RALYL: variants seen among roughly 807,000 people sequenced by gnomAD.
The protein encoded by RALYL is RNA-binding Raly-like protein.
In RALYL, 29 loss-of-function variants were observed where a neutral mutation model predicts 35.1. The observed-to-expected ratio is 0.83, with a 90% CI of 0.61 to 1.13. The LOEUF (loss-of-function observed/expected upper bound fraction) is 1.13. Among genes scored for constraint, RALYL ranks in the 50% most tolerant of loss-of-function variants. The pLI is 0.00. For synonymous variants in RALYL, 120 were observed against 127.6 expected, an observed-to-expected ratio of 0.94 and a Z score of 0.40; for missense variants, 359 against 360.4, an observed-to-expected ratio of 1.00 and a Z score of 0.03.
chr8:84,405,415 C>T (rs2043368861), intron 1 of RALYL, among the ~76,000 whole-genome samples: 1 of 151,976 alleles, frequency 6.6e-6, no homozygotes, highest in Admixed American at 6.6e-5. Context: ...TCAATGAATC[C>T]AGGAGGTGTT....
chr8:84,389,351 T>C (rs1382097614), intron 1 of RALYL, among the ~76,000 whole-genome samples: 1 of 152,056 alleles, frequency 6.6e-6, no homozygotes, highest in Non-Finnish European at 1.5e-5. Flanking sequence ...CACATGAACT[T>C]TAAAGTAGTT....
At chr8:84,822,013 T>C (rs1241337352) in intron 4 of RALYL, among the ~76,000 whole-genome samples, 1 of 152,156 alleles carries the variant, frequency 6.6e-6, no homozygotes, top group Non-Finnish European at 1.5e-5. Context: ...AATAATGTGC[T>C]TGTAGTTTTA....
intron 4 of RALYL, among the ~76,000 whole-genome samples, chr8:84,805,517 C>T (rs558879626): frequency 1.3e-5 from 2 of 152,228 alleles, no homozygotes; most frequent in Admixed American, 1.3e-4. Context: ...AACTCTGTCT[C>T]TATTAAAAAT....
chr8:84,725,170 A>G (rs1341693228), intron 2 of RALYL, among the ~76,000 whole-genome samples: 1 of 151,656 alleles, frequency 6.6e-6, no homozygotes, highest in Non-Finnish European at 1.5e-5. Context: ...CAAGTGTTTT[A>G]TGTCAAAAAA....
At position 84,658,247 on chromosome 8, in the gene RALYL, C is replaced by A. The variant is rs530868757; in HGVS notation, c.257-116332C>A. On this transcript the variant is annotated intron_variant, in intron 2 of 8. Coordinates refer to ENST00000521268, the MANE Select transcript of RALYL (RefSeq NM_173848.7). ...TAGTTTATTGAATATGTGTATTTGGCCAGTCTATTCAACATAAATCCCTGT... is the reference window on the plus strand; with the variant it reads ...TAGTTTATTGAATATGTGTATTTGGACAGTCTATTCAACATAAATCCCTGT... Among the ~76,000 whole-genome samples the A allele has an allele frequency of 2.5e-4, 38 of 152,204 alleles. 1 individual carries two copies. The highest frequency in any genetic ancestry group is 8.7e-4 in the African/African-American group (36 of 41,530).
intron 1 of RALYL, among the ~76,000 whole-genome samples, chr8:84,500,595 T>C (rs1273739125): frequency 6.6e-6 from 1 of 152,190 alleles, no homozygotes; most frequent in African/African-American, 2.4e-5. Flanking sequence ...GAAGTTAATA[T>C]GAATATTTGT....
intron 2 of RALYL, among the ~76,000 whole-genome samples, chr8:84,558,027 T>C (rs1302414395): frequency 6.6e-6 from 1 of 152,186 alleles, no homozygotes; most frequent in Non-Finnish European, 1.5e-5. Context: ...CTGATTTGAA[T>C]TTATGGATAT....
intron 4 of RALYL, among the ~76,000 whole-genome samples, chr8:84,848,803 T>C (rs941359064): frequency 7.2e-5 from 11 of 152,224 alleles, no homozygotes; most frequent in Admixed American, 7.2e-4. Flanking sequence ...GAGTTATGTA[T>C]GTTTTGCCAC....
chr8:84,830,863 A>G (rs1830776823), intron 4 of RALYL, among the ~76,000 whole-genome samples: 4 of 152,162 alleles, frequency 2.6e-5, no homozygotes, highest in Non-Finnish European at 4.4e-5. Flanking sequence ...AGAAACATTT[A>G]TAGATTATAA....
chr8:84,618,523 G>A (rs1350515667), intron 2 of RALYL, among the ~76,000 whole-genome samples: 1 of 136,682 alleles, frequency 7.3e-6, no homozygotes, highest in Non-Finnish European at 1.6e-5. Flanking sequence ...TATCAATTTT[G>A]TTGATCCTTT....
At chr8:84,641,943 A>G (rs1337989128) in intron 2 of RALYL, among the ~76,000 whole-genome samples, 1 of 151,976 alleles carries the variant, frequency 6.6e-6, no homozygotes, top group Non-Finnish European at 1.5e-5. Flanking sequence ...CCATGCTTCC[A>G]AAGGCATTTT....
At chr8:84,845,302 AT>A (rs1834400143) in intron 4 of RALYL, among the ~76,000 whole-genome samples, 1 of 152,136 alleles carries the variant, frequency 6.6e-6, no homozygotes, top group Non-Finnish European at 1.5e-5. Flanking sequence ...AAATATATTT[AT>A]TGGAATTAGC....
chr8:84,490,721 T>C (rs1182115625), intron 1 of RALYL, among the ~76,000 whole-genome samples: 1 of 150,418 alleles, frequency 6.6e-6, no homozygotes, highest in Non-Finnish European at 1.5e-5. Context: ...ATATTTTTAT[T>C]ATTATTATTA....
chr8:84,343,896 T>C (rs1385754684), intron 1 of RALYL, among the ~76,000 whole-genome samples: 2 of 151,706 alleles, frequency 1.3e-5, no homozygotes, highest in Non-Finnish European at 2.9e-5. Flanking sequence ...TTGTTTTTTT[T>C]TTTAACAATT....
At chr8:84,809,644 C>T (rs1825459301) in intron 4 of RALYL, among the ~76,000 whole-genome samples, 2 of 151,860 alleles carry the variant, frequency 1.3e-5, no homozygotes, top group African/African-American at 4.8e-5. Context: ...TTTAAATTAC[C>T]ATTTCAATCT....
intron 7 of RALYL, among the ~76,000 whole-genome samples, chr8:84,875,551 G>A (rs1840979569): frequency 1.4e-5 from 2 of 144,732 alleles, no homozygotes; most frequent in East Asian, 4.2e-4. Flanking sequence ...ATAAGACTTA[G>A]TCCTTTGATA....
At chr8:84,240,782 G>A (rs767232086) in intron 1 of RALYL, among the ~76,000 whole-genome samples, 8 of 152,106 alleles carry the variant, frequency 5.3e-5, no homozygotes, top group Non-Finnish European at 1.2e-4. Flanking sequence ...GTGATAAAAA[G>A]CTCAAATTTG....
intron 2 of RALYL, among the ~76,000 whole-genome samples, chr8:84,552,782 T>C (rs1170198928): frequency 1.3e-5 from 2 of 152,062 alleles, no homozygotes; most frequent in East Asian, 3.9e-4. Context: ...TGCATGTTCA[T>C]GTCAATTAAA....
chr8:84,246,837 G>C (rs766803409), intron 1 of RALYL, among the ~76,000 whole-genome samples: 4 of 151,948 alleles, frequency 2.6e-5, no homozygotes, highest in Non-Finnish European at 5.9e-5. Flanking sequence ...TAAAACAACT[G>C]ACCAATCTCC....
Sources: gnomAD v4.1 joint callset for allele counts (sites outside exome capture counted in the v4.1 genomes callset) on GRCh38, gnomAD v4.1.1 for gene constraint, MANE v1.5 for transcripts, NCBI Gene and HGNC (gene_info 2026-07-23, HGNC 2026-07-21) for gene names.